Variants in PCBP3 observed in about 807,000 individuals in gnomAD.
PCBP3 encodes poly(rC)-binding protein 3.
PCBP3 carries 25 observed loss-of-function variants against 52.7 expected under a neutral mutation model. The observed-to-expected ratio is 0.47, with a 90% CI of 0.35 to 0.66. The LOEUF (loss-of-function observed/expected upper bound fraction) is 0.66, where lower values mean the gene tolerates loss of function less well. Ranked by LOEUF, PCBP3 falls within the 30% of genes least tolerant of loss-of-function variation. The pLI, the probability that PCBP3 is intolerant of heterozygous loss-of-function variation, is 0.01. For missense variants in PCBP3, 391 were observed against 490.3 expected (o/e 0.80, Z 1.91); for synonymous variants, 162 against 183.0 (o/e 0.89, Z 0.93).
At chr21:45,784,420 C>CTCCTACCTCCTACCTCCTACCT (rs1555934355) in intron 4 of PCBP3, among the ~76,000 whole-genome samples, 14 of 125,164 alleles carry the variant, frequency 1.1e-4, no homozygotes, top group Non-Finnish European at 2.4e-4. Flanking sequence ...CTACCGCTAC[C>CTCCTACCTCCTACCTCCTACCT]CCTACCTCCT....
chr21:45,703,642 C>G (rs1193551581), intron 2 of PCBP3, among the ~76,000 whole-genome samples: 2 of 152,106 alleles, frequency 1.3e-5, no homozygotes, highest in African/African-American at 4.8e-5. Context: ...CATGAATAGA[C>G]TTAGCCTGTA....
intron 4 of PCBP3, among the ~76,000 whole-genome samples, chr21:45,770,270 C>CT (rs1439230075): frequency 6.6e-6 from 1 of 152,230 alleles, no homozygotes; most frequent in African/African-American, 2.4e-5. Flanking sequence ...TTCCTCTAGA[C>CT]TTTATCTAAA....
At chr21:45,758,900 T>C (rs1455153341) in intron 4 of PCBP3, among the ~76,000 whole-genome samples, 1 of 152,240 alleles carries the variant, frequency 6.6e-6, no homozygotes, top group African/African-American at 2.4e-5. Context: ...TGAAAATTTT[T>C]ATCATGAATG....
chr21:45,789,257 G>A (rs879738201), intron 4 of PCBP3, among the ~76,000 whole-genome samples: 3 of 152,226 alleles, frequency 2.0e-5, no homozygotes, highest in Admixed American at 6.5e-5. Flanking sequence ...ACGTGTGTGT[G>A]TGATTGCATG....
At chr21:45,658,360 G>T (rs2080158510) in intron 1 of PCBP3, among the ~76,000 whole-genome samples, 2 of 152,134 alleles carry the variant, frequency 1.3e-5, no homozygotes, top group Admixed American at 6.5e-5. Flanking sequence ...CTGGAGTGCA[G>T]AGGTGCGATC....
rs562102842 is a variant in PCBP3 at position 45,906,721 on chromosome 21, C to T, written c.340-2634C>T. Among the ~76,000 whole-genome samples, 67 of 152,260 alleles carry T rather than the reference C, an allele frequency of 4.4e-4. 1 individual carries two copies. Among genetic ancestry groups the T allele is most frequent in the African/African-American group, 1.5e-3 (62 of 41,530 alleles). ...TGGGCCGAGGAGTTCTCCGGGAGCT[C>T]AGGAAACAGTGTCTCTGATGTACAT... is the stretch of plus-strand genomic sequence containing the variant. On this transcript the variant is annotated intron_variant, in intron 9 of 17. Transcript: ENST00000681687.
intron 13 of PCBP3, chr21:45,919,631 G>T (rs915606437): frequency 6.6e-6 from 1 of 152,226 alleles, no homozygotes; most frequent in Non-Finnish European, 1.5e-5. Context: ...GTTTTTAGTG[G>T]TTCCTGGCGT....
intron 2 of PCBP3, among the ~76,000 whole-genome samples, chr21:45,726,529 G>A (rs2085059377): frequency 6.6e-6 from 1 of 152,082 alleles, no homozygotes; most frequent in South Asian, 2.1e-4. Flanking sequence ...ATCCTGACCC[G>A]CCCTGCTCAC....
intron 4 of PCBP3, among the ~76,000 whole-genome samples, chr21:45,813,998 G>C (rs1313215530): frequency 6.6e-6 from 1 of 152,192 alleles, no homozygotes; most frequent in African/African-American, 2.4e-5. Context: ...TGAACATCAT[G>C]GTGTGGACTT....
chr21:45,790,012 C>T (rs979319501), intron 4 of PCBP3, among the ~76,000 whole-genome samples: 1 of 152,082 alleles, frequency 6.6e-6, no homozygotes, highest in African/African-American at 2.4e-5. Flanking sequence ...TGGTGGCGTG[C>T]GCCTGTAATC....
chr21:45,921,838 G>A (rs1193310854), intron 13 of PCBP3, among the ~76,000 whole-genome samples: 2 of 152,004 alleles, frequency 1.3e-5, no homozygotes, highest in Non-Finnish European at 2.9e-5. Flanking sequence ...GGAGTCATCG[G>A]CACTGATCTG....
At position 45,805,231 on chromosome 21, in the gene PCBP3, G is replaced by C. The variant is rs146965894; in HGVS notation, c.-125-44730G>C. On this transcript the variant is annotated intron_variant, in intron 4 of 17. Transcript: ENST00000681687. The surrounding 1 kb of genome is among the most constrained non-coding windows in gnomAD (Gnocchi z 4.6). ...ATGGCAGGGTCTAAGGCTGTTCCCC[G>C]GAAGCCTACCTTCTATAGGAAGAGG... 4.4e-4 allele frequency among the ~76,000 whole-genome samples: 67 copies of C among 152,232 alleles called. No individual in the cohort carries two copies. The highest frequency in any genetic ancestry group is 1.6e-3 in the African/African-American group (65 of 41,532).
chr21:45,900,576 A>C lies in PCBP3; in HGVS notation c.190-15A>C. ...GAGGGATACCTTTTCCTTATTGTCT[A>C]AATCTTTATTCCAGAAAGGAGAAAC... On this transcript the variant is annotated splice_polypyrimidine_tract_variant and intron_variant, in intron 7 of 17. Coordinates refer to ENST00000681687, the MANE Select transcript of PCBP3 (RefSeq NM_001384156.1). 4 of 1,609,200 alleles carry C rather than the reference A, an allele frequency of 2.5e-6. No homozygotes were observed. Among genetic ancestry groups the C allele is most frequent in the Non-Finnish European group, 3.4e-6 (4 of 1,176,198 alleles).
intron 4 of PCBP3, among the ~76,000 whole-genome samples, chr21:45,766,567 G>A (rs534752144): frequency 6.6e-6 from 1 of 152,330 alleles, no homozygotes; most frequent in South Asian, 2.1e-4. Context: ...GAAGCCCCCA[G>A]TCTGTGGTGT....
chr21:45,835,146 C>T (rs560298085), intron 4 of PCBP3, among the ~76,000 whole-genome samples: 1 of 152,176 alleles, frequency 6.6e-6, no homozygotes, highest in Non-Finnish European at 1.5e-5. Flanking sequence ...ACATCTTTTC[C>T]TGAGGTGAGA....
At chr21:45,772,413 G>A (rs933508913) in intron 4 of PCBP3, among the ~76,000 whole-genome samples, 3 of 152,086 alleles carry the variant, frequency 2.0e-5, no homozygotes, top group South Asian at 2.1e-4. Context: ...TTTTAAGGCT[G>A]CATAGTATTC....
At chr21:45,812,111 A>G (rs1251053776) in intron 4 of PCBP3, among the ~76,000 whole-genome samples, 1 of 152,216 alleles carries the variant, frequency 6.6e-6, no homozygotes, top group African/African-American at 2.4e-5. Flanking sequence ...CCTTACAACA[A>G]TATACTTCCA....
intron 5 of PCBP3, among the ~76,000 whole-genome samples, chr21:45,867,629 CAG>C (rs1185469598): frequency 6.6e-6 from 1 of 152,256 alleles, no homozygotes; most frequent in Non-Finnish European, 1.5e-5. Flanking sequence ...GATTGTTTAT[CAG>C]AGAGAGAGAA....
In PCBP3 at chr21:45,842,700, G is replaced by A. The variant is rs1051078959; in HGVS notation, c.-125-7261G>A. Among the ~76,000 whole-genome samples, 14 of 152,182 alleles carry A rather than the reference G, an allele frequency of 9.2e-5. 1 individual carries two copies. The South Asian group carries it at 2.9e-3, about 31-fold the overall frequency. ...GTTTCGGCCTCTGTTGACACCATGG[G>A]GAAGGGATGTCTTGTTACCAGCAAG... On this transcript the variant is annotated intron_variant, in intron 4 of 17. Coordinates refer to ENST00000681687, the MANE Select transcript of PCBP3 (RefSeq NM_001384156.1).
Sources: allele counts gnomAD v4.1 joint callset (sites outside exome capture counted in the v4.1 genomes callset), GRCh38; gene constraint gnomAD v4.1.1; non-coding constraint Gnocchi (gnomAD v3.1); transcripts MANE v1.5; gene names NCBI Gene and HGNC (gene_info 2026-07-23, HGNC 2026-07-21).